The following SEPTIN9 variants were observed in gnomAD, a reference collection of about 807,000 sequenced individuals.
The protein encoded by SEPTIN9 is septin-9.
In SEPTIN9, 13 loss-of-function variants were observed where a neutral mutation model predicts 56.6. The ratio of observed to expected loss-of-function variants is 0.23; its 90% CI spans 0.15 to 0.37. The LOEUF (loss-of-function observed/expected upper bound fraction) is 0.37. Among genes scored for constraint, SEPTIN9 ranks in the 10% least tolerant of loss-of-function variants. The probability of loss-of-function intolerance (pLI) is 1.00; values close to 1 mark genes in which losing one functional copy is unlikely to be tolerated. For missense variants in SEPTIN9, 650 were observed against 823.1 expected (o/e 0.79, Z 2.57); for synonymous variants, 332 against 334.1 (o/e 0.99, Z 0.07).
chr17:77,320,120 CAT>C lies in SEPTIN9; in HGVS notation c.76+12926_76+12927del, dbSNP rs1257071609. 51 of 1,469,194 alleles carry C rather than the reference CAT, an allele frequency of 3.5e-5. No individual in the cohort carries two copies. In the African/African-American group the frequency reaches 4.8e-4, roughly 14 times the overall value. The allele number at this position is 1,469,194 out of a possible 1,614,324, so 91.0% of individuals were successfully genotyped here. On this transcript the variant is annotated intron_variant, in intron 2 of 11. Transcript: ENST00000427177. ...ATGCTACTTCAGTTTGGAGCACAAA[CAT>C]ATGATCAGCACATGGAAATGTGGTA... is the stretch of plus-strand genomic sequence containing the variant.
rs1176820720 is a variant in SEPTIN9 at position 77,366,319 on chromosome 17, CTG to C, written c.77-35736_77-35735del. On this transcript the variant is annotated intron_variant, in intron 2 of 11. Transcript: ENST00000427177. ...GTTGGAGACTTTAGCCATTTCACGA[CTG>C]TGTCTTGCGGGGCTGGAGTAGGAAC... 3.9e-5 allele frequency among the ~76,000 whole-genome samples: 6 copies of C among 152,318 alleles called. No individual in the cohort carries two copies. In the South Asian group the frequency reaches 1.0e-3, roughly 26 times the overall value.
chr17:77,413,432 G>A (rs1203168326), intron 3 of SEPTIN9, among the ~76,000 whole-genome samples: 4 of 152,040 alleles, frequency 2.6e-5, no homozygotes, highest in African/African-American at 9.7e-5. Flanking sequence ...AGCTTATTCC[G>A]AGGGGGTTGC....
chr17:77,413,687 C>CAG (rs10644702), intron 3 of SEPTIN9, among the ~76,000 whole-genome samples: 59,282 of 151,758 alleles, frequency 0.39, 12,307 homozygotes, highest in African/African-American at 0.49. Flanking sequence ...TAGGTAGTGA[C>CAG]GGGACTGGGT....
In SEPTIN9 at chr17:77,434,353, G is replaced by T. The variant is rs2037261363; in HGVS notation, c.721+31650G>T. ...ATCCTGAGAGTTGGTAGGGTGGCCT[G>T]CCCGGCGTCCGCACAGGGTCTGCTG... is the stretch of plus-strand genomic sequence containing the variant. On this transcript the variant is annotated intron_variant, in intron 3 of 11. Coordinates refer to ENST00000427177, the MANE Select transcript of SEPTIN9 (RefSeq NM_001113491.2). The surrounding 1 kb of genome is among the most constrained non-coding windows in gnomAD (Gnocchi z 5.0). 6.6e-6 allele frequency among the ~76,000 whole-genome samples: 1 copy of T among 152,200 alleles called. No homozygotes were observed. The highest frequency in any genetic ancestry group is 2.4e-5 in the African/African-American group (1 of 41,438).
At position 77,330,892 on chromosome 17, in the gene SEPTIN9, C is replaced by T. The variant is rs955275747; in HGVS notation, c.76+23695C>T. 3.3e-5 allele frequency among the ~76,000 whole-genome samples: 5 copies of T among 152,236 alleles called. No homozygotes were observed. The highest frequency in any genetic ancestry group is 6.5e-5 in the Admixed American group (1 of 15,286). On this transcript the variant is annotated intron_variant, in intron 2 of 11. Transcript: ENST00000427177. This position sits in a 1 kb window ranked among gnomAD's most constrained non-coding sequence, Gnocchi z 4.4. ...GGCCCTCAGTCTGGGCTTGGTCTCCCGCAATTCACCCTGCCCAGCCCCACA... is the reference window on the plus strand; with the variant it reads ...GGCCCTCAGTCTGGGCTTGGTCTCCTGCAATTCACCCTGCCCAGCCCCACA...
Position 77,421,698 on chromosome 17 carries a change from C to T in SEPTIN9, c.721+18995C>T, listed in dbSNP as rs1295208680. On this transcript the variant is annotated intron_variant, in intron 3 of 11. Transcript: ENST00000427177. The surrounding 1 kb of genome is among the most constrained non-coding windows in gnomAD (Gnocchi z 4.6). ...TCCACGGTGGATTGGGCTGAGCTCT[C>T]TGCCTCGGCCGACGTCTTTCCCCAG... Among the ~76,000 whole-genome samples the T allele has an allele frequency of 2.6e-5, 4 of 152,200 alleles. No homozygotes were observed. The highest frequency in any genetic ancestry group is 9.7e-5 in the African/African-American group (4 of 41,444).
intron 2 of SEPTIN9, chr17:77,373,280 GGGGGCGGGGCGGGGGCGCAGCGCGC>G (rs1248248235): frequency 2.3e-5 from 26 of 1,153,954 alleles, no homozygotes; most frequent in Non-Finnish European, 3.2e-6. Flanking sequence ...CCCGGGAGGC[GGGGGCGGGGCGGGGGCGCAGCGCGC>G]GGGGAGGGGC....
At chr17:77,383,185 TCTCCCTCC>T (rs747156816) in intron 2 of SEPTIN9, among the ~76,000 whole-genome samples, 6 of 9,582 alleles carry the variant, frequency 6.3e-4, no homozygotes, top group Admixed American at 2.9e-3. Context: ...TCCCTCCTTC[TCTCCCTCC>T]CTCCCTCTTG....
chr17:77,459,816 C>G (rs2038380423), intron 3 of SEPTIN9, among the ~76,000 whole-genome samples: 1 of 152,102 alleles, frequency 6.6e-6, no homozygotes, highest in Non-Finnish European at 1.5e-5. Context: ...GCTGGGATTA[C>G]AGGCGCATGC....
At chr17:77,308,795 C>G (rs1270237495) in intron 2 of SEPTIN9, among the ~76,000 whole-genome samples, 2 of 152,180 alleles carry the variant, frequency 1.3e-5, no homozygotes, top group African/African-American at 4.8e-5. Context: ...CTGTGCACCA[C>G]CAGGCCTGGA....
Position 77,319,228 on chromosome 17 carries a change from G to C in SEPTIN9, c.76+12031G>C, listed in dbSNP as rs2032812358. The stretch of plus-strand genomic sequence containing the variant: ...AGGATGCCCCTGATTCCCACCCCAG[G>C]GACCCACATTGTAAACCCCCACCTG... On this transcript the variant is annotated intron_variant, in intron 2 of 11. Transcript: ENST00000427177. The surrounding 1 kb of genome is among the most constrained non-coding windows in gnomAD (Gnocchi z 5.3). Among the ~76,000 whole-genome samples the C allele has an allele frequency of 6.6e-6, 1 of 152,172 alleles. No homozygotes were observed. Among genetic ancestry groups the C allele is most frequent in the African/African-American group, 2.4e-5 (1 of 41,452 alleles).
At chr17:77,438,399 G>C (rs2037430946) in intron 3 of SEPTIN9, among the ~76,000 whole-genome samples, 1 of 152,206 alleles carries the variant, frequency 6.6e-6, no homozygotes, top group African/African-American at 2.4e-5. Context: ...GCAGGATAAT[G>C]ACTCCCAGAG....
intron 2 of SEPTIN9, 62 bp downstream of exon 2, chr17:77,307,259 T>A (rs2032308524): frequency 1.4e-6 from 2 of 1,464,368 alleles, no homozygotes; most frequent in Non-Finnish European, 1.9e-6. Flanking sequence ...CTGGGGTCCC[T>A]TCATTCTGGT....
intron 3 of SEPTIN9, among the ~76,000 whole-genome samples, chr17:77,432,658 G>C (rs1202574977): frequency 1.3e-5 from 2 of 152,268 alleles, no homozygotes; most frequent in Admixed American, 6.5e-5. Context: ...GGTTTTTGTG[G>C]GGACTGAGCG....
At chr17:77,281,771 G>A (rs537600734) in intron 1 of SEPTIN9, 114 of 509,900 alleles carry the variant, frequency 2.2e-4, no homozygotes, top group African/African-American at 2.1e-3. Flanking sequence ...CCTTGCTCGA[G>A]TGTCGGAGGG....
intron 2 of SEPTIN9, among the ~76,000 whole-genome samples, chr17:77,390,595 GCGCCCGCCACCA>G (rs2035506642): frequency 1.3e-5 from 2 of 151,440 alleles, no homozygotes; most frequent in African/African-American, 4.8e-5. Flanking sequence ...GGGACTACAG[GCGCCCGCCACCA>G]CGCCCGGCTA....
In SEPTIN9 at chr17:77,319,056, G is replaced by A. The variant is rs2032806320; in HGVS notation, c.76+11859G>A. On this transcript the variant is annotated intron_variant, in intron 2 of 11. Coordinates refer to ENST00000427177, the MANE Select transcript of SEPTIN9 (RefSeq NM_001113491.2). The surrounding 1 kb of genome is among the most constrained non-coding windows in gnomAD (Gnocchi z 5.3). ...ACGCGTCCTCCCTTTCTCAACAGAA[G>A]CTGACAGTCTGGAGTTTTCAGAGAG... Among the ~76,000 whole-genome samples the A allele has an allele frequency of 6.6e-6, 1 of 152,230 alleles. No homozygotes were observed. The highest frequency in any genetic ancestry group is 2.4e-5 in the African/African-American group (1 of 41,458).
chr17:77,341,540 C>T (rs900701956), intron 2 of SEPTIN9, among the ~76,000 whole-genome samples: 13 of 152,244 alleles, frequency 8.5e-5, no homozygotes, highest in East Asian at 7.7e-4. Context: ...TTTGGGAGGC[C>T]GAGGCAGGTG....
rs200126434 is a variant in SEPTIN9, at chr17:77,402,335, A to C, written c.353A>C (p.Gln118Pro). 626 of 1,612,704 alleles carry C rather than the reference A, an allele frequency of 3.9e-4. 1 individual carries two copies. Among genetic ancestry groups the C allele is most frequent in the Non-Finnish European group, 5.0e-4 (584 of 1,179,790 alleles). Residue 118 changes from glutamine to proline, a missense_variant, in exon 3 of 12, where the codon CAG becomes CCG. Physicochemically the swap from Gln to Pro is moderately conservative, Grantham distance 76. This residue lies in a region of SEPTIN9 where 317 missense variants were observed against 329.1 expected (regional missense o/e 0.96). Coordinates refer to ENST00000427177, the MANE Select transcript of SEPTIN9 (RefSeq NM_001113491.2). This position sits in a 1 kb window ranked among gnomAD's most constrained non-coding sequence, Gnocchi z 6.6. ...CTGTCCATTGACATCTCGTCCAAGC[A>C]GGTGGAGAACGCCGGGGCCATCGGC... ...TELSIDISSK[Q>P]VENAGAIGPS...
Sources: allele counts gnomAD v4.1 joint callset (sites outside exome capture counted in the v4.1 genomes callset), GRCh38; gene constraint gnomAD v4.1.1; regional missense constraint gnomAD v4.1.1; non-coding constraint Gnocchi (gnomAD v3.1); transcripts MANE v1.5; gene names NCBI Gene and HGNC (gene_info 2026-07-23, HGNC 2026-07-21).